The following MAGI2 variants were observed in gnomAD, a reference collection of about 807,000 sequenced individuals.
MAGI2 encodes the protein membrane-associated guanylate kinase, WW and PDZ domain-containing protein 2.
MAGI2 carries 35 observed loss-of-function variants against 133.3 expected under a neutral mutation model. That is an observed-to-expected ratio of 0.26 (90% confidence interval 0.20 to 0.35). MAGI2 has a LOEUF of 0.35. Among genes scored for constraint, MAGI2 ranks in the 10% least tolerant of loss-of-function variants. MAGI2 has a pLI of 1.00. For synonymous variants in MAGI2, 729 were observed against 710.6 expected (o/e 1.03, Z -0.41); for missense variants, 1,636 against 1,863.4 (o/e 0.88, Z 2.25).
At chr7:78,118,123 G>A (rs554641918) in intron 20 of MAGI2, among the ~76,000 whole-genome samples, 2 of 152,216 alleles carry the variant, frequency 1.3e-5, no homozygotes, top group South Asian at 2.1e-4. Context: ...TCAACAAATG[G>A]TACTGGAACA....
At chr7:78,315,208 A>C (rs1184817852) in intron 9 of MAGI2, among the ~76,000 whole-genome samples, 1 of 152,164 alleles carries the variant, frequency 6.6e-6, no homozygotes. Context: ...TTTTGATTTC[A>C]TACAGCTTAG....
intron 2 of MAGI2, among the ~76,000 whole-genome samples, chr7:78,697,309 G>T (rs767408591): frequency 6.6e-6 from 1 of 152,080 alleles, no homozygotes; most frequent in Non-Finnish European, 1.5e-5. Context: ...GCTTATTGAG[G>T]CTTGGTCTAT....
intron 20 of MAGI2, among the ~76,000 whole-genome samples, chr7:78,111,897 A>G (rs1442280035): frequency 1.3e-5 from 2 of 152,234 alleles, no homozygotes; most frequent in African/African-American, 2.4e-5. Flanking sequence ...GAATTTCAGC[A>G]CCCAGACGTG....
intron 1 of MAGI2, among the ~76,000 whole-genome samples, chr7:79,389,789 T>C (rs1844464138): frequency 6.6e-6 from 1 of 152,094 alleles, no homozygotes; most frequent in Non-Finnish European, 1.5e-5. Flanking sequence ...AATCCCCTTT[T>C]ACTCACTAGA....
intron 2 of MAGI2, among the ~76,000 whole-genome samples, chr7:78,953,854 AT>A (rs1239255357): frequency 6.6e-6 from 1 of 152,082 alleles, no homozygotes; most frequent in African/African-American, 2.4e-5. Flanking sequence ...AACTTGCTAC[AT>A]TTTTCATCCT....
intron 1 of MAGI2, among the ~76,000 whole-genome samples, chr7:79,021,741 T>A (rs1219668493): frequency 6.6e-6 from 1 of 152,154 alleles, no homozygotes; most frequent in Non-Finnish European, 1.5e-5. Flanking sequence ...AATGCTGGAA[T>A]GAATTAAGAT....
rs1288402620 is a variant in MAGI2, at chr7:78,285,000, A to G, written c.1409-28419T>C. ...AATTAACATGGGCAGCAGCTGAAGG[A>G]TAAATAAGGGCTGGTCAACTGGCCA... is the stretch of plus-strand genomic sequence containing the variant. On this transcript the variant is annotated intron_variant, in intron 9 of 21. Transcript: ENST00000354212. 3.9e-5 allele frequency among the ~76,000 whole-genome samples: 6 copies of G among 152,186 alleles called. No homozygotes were observed. The East Asian group carries it at 9.6e-4, about 24-fold the overall frequency.
intron 1 of MAGI2, among the ~76,000 whole-genome samples, chr7:79,122,557 A>G (rs1819997918): frequency 1.3e-5 from 2 of 152,298 alleles, no homozygotes; most frequent in Admixed American, 6.5e-5. Flanking sequence ...TAAACCAACT[A>G]TATAAATGAT....
At chr7:78,511,295 A>G (rs867459975) in intron 4 of MAGI2, among the ~76,000 whole-genome samples, 20 of 152,016 alleles carry the variant, frequency 1.3e-4, no homozygotes, top group Middle Eastern at 6.8e-3. Context: ...TCGTGGCTGT[A>G]CTATAGATTA....
At chr7:79,249,559 G>A (rs895154999) in intron 1 of MAGI2, among the ~76,000 whole-genome samples, 6 of 152,110 alleles carry the variant, frequency 3.9e-5, no homozygotes, top group Non-Finnish European at 7.4e-5. Context: ...AAAATAGGAT[G>A]AATTCCTAGA....
At position 78,660,591 on chromosome 7, in the gene MAGI2, G is replaced by A. The variant is rs565301535; in HGVS notation, c.419-33352C>T. 3.9e-5 allele frequency among the ~76,000 whole-genome samples: 6 copies of A among 152,234 alleles called. 1 individual carries two copies. In the East Asian group the frequency reaches 9.6e-4, roughly 24 times the overall value. On this transcript the variant is annotated intron_variant, in intron 2 of 21. Transcript: ENST00000354212. Reference sequence around the variant, plus strand: ...AAACAAAAAAAGGAACATTTAAGAAGTAATGAAGAAATAACATGCTATAAA... The same window carrying A: ...AAACAAAAAAAGGAACATTTAAGAAATAATGAAGAAATAACATGCTATAAA...
chr7:78,195,362 C>T (rs934354976), intron 11 of MAGI2, among the ~76,000 whole-genome samples: 1 of 152,122 alleles, frequency 6.6e-6, no homozygotes, highest in Non-Finnish European at 1.5e-5. Flanking sequence ...TTTTTTCCCC[C>T]TATAAGATAA....
At chr7:79,339,743 C>CTAA (rs967168940) in intron 1 of MAGI2, among the ~76,000 whole-genome samples, 5 of 152,062 alleles carry the variant, frequency 3.3e-5, no homozygotes, top group Admixed American at 2.0e-4. Flanking sequence ...TTGTTTGTGG[C>CTAA]TTTATACTTA....
intron 2 of MAGI2, among the ~76,000 whole-genome samples, chr7:79,003,962 T>C (rs897000169): frequency 6.6e-6 from 1 of 152,084 alleles, no homozygotes; most frequent in African/African-American, 2.4e-5. Context: ...CAAATGCTGG[T>C]GAGGATGCAG....
At chr7:79,218,623 C>CATTAA (rs1830214082) in intron 1 of MAGI2, among the ~76,000 whole-genome samples, 1 of 151,954 alleles carries the variant, frequency 6.6e-6, no homozygotes, top group Non-Finnish European at 1.5e-5. Flanking sequence ...TTAACATGTA[C>CATTAA]CAGTAGAAAA....
intron 2 of MAGI2, among the ~76,000 whole-genome samples, chr7:78,630,680 G>T (rs1457773614): frequency 1.3e-5 from 2 of 151,980 alleles, no homozygotes; most frequent in African/African-American, 4.8e-5. Context: ...CTCCCAAAGT[G>T]CTGTGATTAC....
intron 1 of MAGI2, among the ~76,000 whole-genome samples, chr7:79,249,233 CTTATGATGCA>C (rs1833047767): frequency 6.6e-6 from 1 of 151,998 alleles, no homozygotes; most frequent in East Asian, 1.9e-4. Flanking sequence ...GAAGAACAAT[CTTATGATGCA>C]TCTTAAAGAA....
At chr7:78,417,318 T>C (rs78942882) in intron 6 of MAGI2, among the ~76,000 whole-genome samples, 1 of 138,166 alleles carries the variant, frequency 7.2e-6, no homozygotes, top group Non-Finnish European at 1.6e-5. Flanking sequence ...AAAAAAAAAA[T>C]ATTCATTGCC....
intron 2 of MAGI2, among the ~76,000 whole-genome samples, chr7:78,913,054 T>G (rs1171045474): frequency 1.3e-5 from 2 of 151,884 alleles, no homozygotes; most frequent in East Asian, 3.9e-4. Context: ...CAAGAAGCAA[T>G]GTAGTGACTT....
Sources: gnomAD v4.1 joint callset for allele counts (sites outside exome capture counted in the v4.1 genomes callset) on GRCh38, gnomAD v4.1.1 for gene constraint, MANE v1.5 for transcripts, NCBI Gene and HGNC (gene_info 2026-07-23, HGNC 2026-07-21) for gene names.